Variants in VPS13B observed in about 807,000 individuals in gnomAD.
The protein encoded by VPS13B is vacuolar protein sorting 13 homolog B.
A neutral mutation model predicts 426.4 loss-of-function variants in VPS13B; 285 were observed. The observed-to-expected ratio is 0.67, with a 90% CI of 0.61 to 0.74. The LOEUF is 0.74. VPS13B is among the 30% of genes least tolerant of loss of function. The probability of loss-of-function intolerance (pLI) is 0.00; values close to 1 mark genes in which losing one functional copy is unlikely to be tolerated. For synonymous variants in VPS13B, 1,676 were observed against 1,676.4 expected, an observed-to-expected ratio of 1.00 and a Z score of 0.01; for missense variants, 4,537 against 4,782.6, an observed-to-expected ratio of 0.95 and a Z score of 1.51.
At chr8:99,838,126 C>T (rs1441789104) in intron 54 of VPS13B, among the ~76,000 whole-genome samples, 2 of 152,094 alleles carry the variant, frequency 1.3e-5, no homozygotes, top group South Asian at 2.1e-4. Context: ...TGCAGAATAC[C>T]GATTGTGAAG....
chr8:99,287,480 CACTT>C, intron 19 of VPS13B, among the ~76,000 whole-genome samples: 1 of 151,880 alleles, frequency 6.6e-6, no homozygotes, highest in African/African-American at 2.4e-5. Flanking sequence ...GAGAATAAAA[CACTT>C]AATATAGTAT....
intron 33 of VPS13B, among the ~76,000 whole-genome samples, chr8:99,640,109 AAGAAG>A (rs1309059699): frequency 2.0e-5 from 3 of 147,256 alleles, no homozygotes; most frequent in Admixed American, 6.8e-5. Context: ...AAGAAAAGAA[AAGAAG>A]AAGAAGCAAT....
intron 43 of VPS13B, among the ~76,000 whole-genome samples, chr8:99,794,304 C>T (rs993754344): frequency 2.5e-4 from 38 of 152,118 alleles, no homozygotes; most frequent in African/African-American, 8.9e-4. Context: ...AGTGAGCATT[C>T]CCAAGGAGAG....
chr8:99,411,488 A>G (rs1377046701), intron 21 of VPS13B, among the ~76,000 whole-genome samples: 1 of 152,200 alleles, frequency 6.6e-6, no homozygotes, highest in African/African-American at 2.4e-5. Context: ...ATAGATTGCA[A>G]AAAGTTTCTC....
At chr8:99,423,296 G>T (rs1239052308) in intron 21 of VPS13B, among the ~76,000 whole-genome samples, 1 of 150,218 alleles carries the variant, frequency 6.7e-6, no homozygotes, top group African/African-American at 2.5e-5. Flanking sequence ...TCACTCTGTT[G>T]CCCAGGCTGG....
intron 2 of VPS13B, among the ~76,000 whole-genome samples, chr8:99,035,733 T>C (rs1383343868): frequency 6.6e-6 from 1 of 151,950 alleles, no homozygotes; most frequent in African/African-American, 2.4e-5. Context: ...TTTGATTTGT[T>C]GAGGAACCTC....
At chr8:99,200,234 C>T (rs1814227153) in intron 17 of VPS13B, among the ~76,000 whole-genome samples, 1 of 152,176 alleles carries the variant, frequency 6.6e-6, no homozygotes, top group South Asian at 2.1e-4. Context: ...TGTCGGTGCT[C>T]ATTCCTTTTT....
Position 99,817,548 on chromosome 8 carries a change from C to T in VPS13B, c.8106C>T (p.Ile2702=), listed in dbSNP as rs759624352. ...ACTTAACTGTCTTTTAGATTATCAT[C>T]TGTGGAAGACAGATCATCTGTAGTT... ...QLNGVQKQII[I]CGRQIICSYL... The change falls in exon 45 of 62, where the codon ATC becomes ATT. Residue 2702 remains isoleucine (I), a synonymous_variant. Coordinates refer to ENST00000357162, the MANE Select transcript of VPS13B (RefSeq NM_152564.5). The T allele has an allele frequency of 2.5e-6, 4 of 1,613,904 alleles. No homozygotes were observed. Among genetic ancestry groups the T allele is most frequent in the Non-Finnish European group, 3.4e-6 (4 of 1,179,908 alleles).
At chr8:99,711,468 G>A (rs1267025989) in intron 36 of VPS13B, among the ~76,000 whole-genome samples, 1 of 152,084 alleles carries the variant, frequency 6.6e-6, no homozygotes, top group Non-Finnish European at 1.5e-5. Flanking sequence ...ATTTAAACAA[G>A]CTCATGATCA....
chr8:99,303,772 T>C (rs1820502000), intron 19 of VPS13B, among the ~76,000 whole-genome samples: 1 of 148,168 alleles, frequency 6.7e-6, no homozygotes, highest in Admixed American at 6.7e-5. Context: ...TTCTTTCTTG[T>C]GATTGTGTGT....
Position 99,717,260 on chromosome 8 carries a change from C to A in VPS13B, c.6544C>A (p.Pro2182Thr), listed in dbSNP as rs778567402. The change falls in exon 37 of 62, where the codon CCA becomes ACA. Residue 2182 changes from proline to threonine, a missense_variant. By Grantham distance (38) the Pro-to-Thr change is conservative (BLOSUM62 -1). Around this residue, in one of 2 missense-constraint regions of VPS13B, gnomAD observed 4,311 missense variants for 4,474.3 expected, o/e 0.96. Coordinates refer to ENST00000357162, the MANE Select transcript of VPS13B (RefSeq NM_152564.5). ...AGAAAGAAGCCGCATTCTGATAGGA[C>A]CATGTTGTGCTACTGCCAATCTGGA... is the stretch of plus-strand genomic sequence containing the variant. ...LKERSRILIGPCCATANLEAK... is the reference protein window; with the variant it reads ...LKERSRILIGTCCATANLEAK... The A allele has an allele frequency of 6.2e-6, 10 of 1,613,950 alleles. No homozygotes were observed. The South Asian group carries it at 8.8e-5, about 14-fold the overall frequency.
At chr8:99,728,338 A>G (rs139823910) in intron 39 of VPS13B, among the ~76,000 whole-genome samples, 5 of 152,334 alleles carry the variant, frequency 3.3e-5, no homozygotes, top group African/African-American at 9.6e-5. Flanking sequence ...ATATGTCACA[A>G]ACCTTTTCAA....
chr8:99,591,387 T>A (rs1826666219), intron 33 of VPS13B, among the ~76,000 whole-genome samples: 1 of 152,090 alleles, frequency 6.6e-6, no homozygotes, highest in African/African-American at 2.4e-5. Context: ...AATTTGATCC[T>A]GTCATTATGA....
intron 8 of VPS13B, among the ~76,000 whole-genome samples, chr8:99,122,625 A>G (rs897060676): frequency 6.6e-6 from 1 of 152,156 alleles, no homozygotes; most frequent in African/African-American, 2.4e-5. Flanking sequence ...TGCTATTACC[A>G]TACATGTAAT....
intron 30 of VPS13B, among the ~76,000 whole-genome samples, chr8:99,544,201 A>T (rs1322673416): frequency 2.0e-5 from 3 of 152,168 alleles, no homozygotes; most frequent in African/African-American, 4.8e-5. Flanking sequence ...TTCTCAGTAG[A>T]CTATCGCAAG....
intron 31 of VPS13B, among the ~76,000 whole-genome samples, chr8:99,565,944 A>G (rs1825157895): frequency 6.6e-6 from 1 of 152,190 alleles, no homozygotes; most frequent in Non-Finnish European, 1.5e-5. Flanking sequence ...TACTTGAATG[A>G]TATGATTTTA....
intron 15 of VPS13B, among the ~76,000 whole-genome samples, chr8:99,158,893 G>A (rs1811501456): frequency 6.6e-6 from 1 of 152,172 alleles, no homozygotes; most frequent in South Asian, 2.1e-4. Context: ...TTTGACTCTG[G>A]GGTCTTATTA....
chr8:99,654,411 A>G (rs996533584), intron 34 of VPS13B, among the ~76,000 whole-genome samples: 1 of 152,184 alleles, frequency 6.6e-6, no homozygotes, highest in Non-Finnish European at 1.5e-5. Flanking sequence ...TGCAGGCTTT[A>G]TAGAGCCTTC....
Position 99,622,360 on chromosome 8 carries a change from A to G in VPS13B, c.5221-19451A>G, listed in dbSNP as rs537541006. On this transcript the variant is annotated intron_variant, in intron 33 of 61. Coordinates refer to ENST00000357162, the MANE Select transcript of VPS13B (RefSeq NM_152564.5). Reference sequence around the variant, plus strand: ...CCAGGTCTTCTGACACTGATTACAGAGATATTTTATTCTTGAATCTAGGGG... The same window carrying G: ...CCAGGTCTTCTGACACTGATTACAGGGATATTTTATTCTTGAATCTAGGGG... Among the ~76,000 whole-genome samples the G allele has an allele frequency of 1.8e-4, 28 of 152,280 alleles. No individual in the cohort carries two copies. In the East Asian group the frequency reaches 5.2e-3, roughly 28 times the overall value.
Sources: gnomAD v4.1 joint callset for allele counts (sites outside exome capture counted in the v4.1 genomes callset) on GRCh38, gnomAD v4.1.1 for gene constraint, gnomAD v4.1.1 regional missense constraint, MANE v1.5 for transcripts, NCBI Gene and HGNC (gene_info 2026-07-23, HGNC 2026-07-21) for gene names.